The following CCSER1 variants were observed in gnomAD, a reference collection of about 807,000 sequenced individuals.
The protein encoded by CCSER1 is serine-rich coiled-coil domain-containing protein 1.
In CCSER1, 41 loss-of-function variants were observed where a neutral mutation model predicts 82.0. The ratio of observed to expected loss-of-function variants is 0.50; its 90% CI spans 0.39 to 0.65. The LOEUF is 0.65. Among genes scored for constraint, CCSER1 ranks in the 30% least tolerant of loss-of-function variants. The pLI is 0.00. For missense variants in CCSER1, 1,119 were observed against 1,064.2 expected (o/e 1.05, Z -0.72); for synonymous variants, 414 against 383.9 (o/e 1.08, Z -0.92).
At chr4:90,879,851 G>C (rs559981631) in intron 8 of CCSER1, among the ~76,000 whole-genome samples, 122 of 152,240 alleles carry the variant, frequency 8.0e-4, no homozygotes, top group Non-Finnish European at 1.4e-3. Flanking sequence ...AATATAGATT[G>C]AGTCAATAGA....
intron 4 of CCSER1, among the ~76,000 whole-genome samples, chr4:90,432,317 A>G (rs1212442315): frequency 6.6e-6 from 1 of 152,176 alleles, no homozygotes; most frequent in African/African-American, 2.4e-5. Flanking sequence ...TTTGCTGTGC[A>G]GTCACCTGCA....
chr4:91,183,233 T>G (rs762816782), intron 10 of CCSER1, among the ~76,000 whole-genome samples: 1 of 152,172 alleles, frequency 6.6e-6, no homozygotes, highest in Non-Finnish European at 1.5e-5. Flanking sequence ...ATATGAAGAA[T>G]CAGAAATCAC....
intron 10 of CCSER1, among the ~76,000 whole-genome samples, chr4:91,425,608 T>C (rs1753922110): frequency 6.6e-6 from 1 of 151,882 alleles, no homozygotes; most frequent in Admixed American, 6.6e-5. Context: ...CTAGTAAGAA[T>C]GGACCCAATT....
At chr4:91,140,090 G>T (rs1728884936) in intron 10 of CCSER1, among the ~76,000 whole-genome samples, 1 of 151,948 alleles carries the variant, frequency 6.6e-6, no homozygotes. Flanking sequence ...TATTCCTAAT[G>T]ACTGGTTAGA....
At chr4:90,303,653 A>G (rs931120789) in intron 1 of CCSER1, among the ~76,000 whole-genome samples, 61 of 152,152 alleles carry the variant, frequency 4.0e-4, no homozygotes, top group African/African-American at 1.4e-3. Flanking sequence ...AATCAATTCA[A>G]GATGGATTAA....
At chr4:91,464,634 G>A (rs992832951) in intron 10 of CCSER1, among the ~76,000 whole-genome samples, 1 of 152,082 alleles carries the variant, frequency 6.6e-6, no homozygotes, top group Non-Finnish European at 1.5e-5. Flanking sequence ...ACACGCATAG[G>A]CTCAAAATAA....
chr4:91,052,778 G>A lies in CCSER1; in HGVS notation c.2173-33172G>A, dbSNP rs185204538. 1.9e-3 allele frequency among the ~76,000 whole-genome samples: 286 copies of A among 152,164 alleles called. 1 individual carries two copies. The highest frequency in any genetic ancestry group is 6.6e-3 in the African/African-American group (273 of 41,526). On this transcript the variant is annotated intron_variant, in intron 9 of 10. Coordinates refer to ENST00000509176, the MANE Select transcript of CCSER1 (RefSeq NM_001145065.2). ...ATATGAACATATACCATATTTTGATGTAATGGATTTACTCTAAACAGTATT... is the reference window on the plus strand; with the variant it reads ...ATATGAACATATACCATATTTTGATATAATGGATTTACTCTAAACAGTATT...
chr4:91,464,214 A>AAAG (rs1376236246), intron 10 of CCSER1, among the ~76,000 whole-genome samples: 1 of 152,186 alleles, frequency 6.6e-6, no homozygotes, highest in African/African-American at 2.4e-5. Context: ...ATTTTAAAGA[A>AAAG]AAGTATTTTC....
chr4:90,786,982 A>G (rs1754602380), intron 7 of CCSER1, among the ~76,000 whole-genome samples: 1 of 152,196 alleles, frequency 6.6e-6, no homozygotes, highest in Non-Finnish European at 1.5e-5. Flanking sequence ...GGGAATCACT[A>G]ACTTAATTTA....
chr4:91,453,848 T>C (rs1264796805), intron 10 of CCSER1, among the ~76,000 whole-genome samples: 1 of 152,060 alleles, frequency 6.6e-6, no homozygotes, highest in Non-Finnish European at 1.5e-5. Context: ...TGATAGGCCA[T>C]TTATGAAAGG....
intron 10 of CCSER1, among the ~76,000 whole-genome samples, chr4:91,370,913 G>C (rs1749996682): frequency 6.6e-6 from 1 of 152,158 alleles, no homozygotes; most frequent in African/African-American, 2.4e-5. Flanking sequence ...CCAGGTTGGA[G>C]TGCTATAGTG....
intron 9 of CCSER1, among the ~76,000 whole-genome samples, chr4:91,008,218 T>C (rs1394918630): frequency 6.6e-6 from 1 of 152,200 alleles, no homozygotes; most frequent in Non-Finnish European, 1.5e-5. Flanking sequence ...TCTGCTACTT[T>C]TGGAATTCTA....
rs187814123 is a variant in CCSER1, at chr4:90,573,730, G to A, written c.1725-54295G>A. On this transcript the variant is annotated intron_variant, in intron 5 of 10. Coordinates refer to ENST00000509176, the MANE Select transcript of CCSER1 (RefSeq NM_001145065.2). ...CCCCCTCATATTTTTAATTTTAAAA[G>A]ATATTCCTTCATATGTATTTTGCTA... Among the ~76,000 whole-genome samples, 3 of 152,174 alleles carry A rather than the reference G, an allele frequency of 2.0e-5. No homozygotes were observed. The South Asian group carries it at 6.2e-4, about 32-fold the overall frequency.
At chr4:90,239,558 G>A (rs1746450674) in intron 1 of CCSER1, among the ~76,000 whole-genome samples, 2 of 152,336 alleles carry the variant, frequency 1.3e-5, no homozygotes, top group African/African-American at 4.8e-5. Flanking sequence ...CTGGAGAGCA[G>A]TGGTACAATT....
chr4:91,098,739 C>G (rs1035355500), intron 10 of CCSER1, among the ~76,000 whole-genome samples: 3 of 152,136 alleles, frequency 2.0e-5, no homozygotes, highest in African/African-American at 7.2e-5. Context: ...GATGGGGTTT[C>G]ACCATGTTAG....
rs189155226 is a variant in CCSER1, at chr4:91,379,155, C to T, written c.2218-219417C>T. 1.6e-3 allele frequency among the ~76,000 whole-genome samples: 236 copies of T among 152,052 alleles called. 1 individual carries two copies. The highest frequency in any genetic ancestry group is 0.015 in the Admixed American group (227 of 15,270). On this transcript the variant is annotated intron_variant, in intron 10 of 10. Coordinates refer to ENST00000509176, the MANE Select transcript of CCSER1 (RefSeq NM_001145065.2). ...ATGTGCTGCTGGATTCAGTTTGCCA[C>T]GATTTTATTGAGGATTTTTGCATCG...
intron 10 of CCSER1, among the ~76,000 whole-genome samples, chr4:91,171,718 G>C (rs1336875776): frequency 6.6e-6 from 1 of 151,790 alleles, no homozygotes; most frequent in African/African-American, 2.4e-5. Flanking sequence ...TCATATAAAA[G>C]AGTGGAATAT....
intron 10 of CCSER1, among the ~76,000 whole-genome samples, chr4:91,550,649 A>C (rs1032403328): frequency 6.6e-6 from 1 of 152,282 alleles, no homozygotes. Flanking sequence ...TAAAATTGAG[A>C]GCTTCTTGGG....
intron 10 of CCSER1, among the ~76,000 whole-genome samples, chr4:91,536,650 C>T (rs112809992): frequency 1.8e-4 from 27 of 152,158 alleles, no homozygotes; most frequent in African/African-American, 4.1e-4. Flanking sequence ...CTGTCACTTC[C>T]GTGACCAAAG....
Sources: allele counts gnomAD v4.1 joint callset (sites outside exome capture counted in the v4.1 genomes callset), GRCh38; gene constraint gnomAD v4.1.1; transcripts MANE v1.5; gene names NCBI Gene and HGNC (gene_info 2026-07-23, HGNC 2026-07-21).